SH3BP5: variants seen among roughly 807,000 people sequenced by gnomAD.
SH3BP5 encodes SH3 domain binding protein 5.
In SH3BP5, 22 loss-of-function variants were observed where a neutral mutation model predicts 43.3. That is an observed-to-expected ratio of 0.51 (90% CI 0.36 to 0.73). The LOEUF is 0.73. Among genes scored for constraint, SH3BP5 ranks in the 30% least tolerant of loss-of-function variants. SH3BP5 has a pLI of 0.00. For missense variants in SH3BP5, 529 were observed against 586.9 expected, an observed-to-expected ratio of 0.90 and a Z score of 1.02; for synonymous variants, 255 against 225.8, an observed-to-expected ratio of 1.13 and a Z score of -1.16.
rs569922868 is a variant in SH3BP5 at position 15,313,373 on chromosome 3, T to A, written c.202-9142A>T. 1.1e-3 allele frequency among the ~76,000 whole-genome samples: 161 copies of A among 152,302 alleles called. 1 individual carries two copies. Among genetic ancestry groups the A allele is most frequent in the African/African-American group, 3.6e-3 (151 of 41,570 alleles). On this transcript the variant is annotated intron_variant, in intron 2 of 8. Coordinates refer to ENST00000383791, the MANE Select transcript of SH3BP5 (RefSeq NM_004844.5). ...GCGGCAGCAGCAGAATAACTGGAGTTAGGGAAATCCAGCCCTAGAATGATA... is the reference window on the plus strand; with the variant it reads ...GCGGCAGCAGCAGAATAACTGGAGTAAGGGAAATCCAGCCCTAGAATGATA...
intron 2 of SH3BP5, among the ~76,000 whole-genome samples, chr3:15,320,640 A>ACACACACACACCCCC (rs373879792): frequency 2.7e-5 from 4 of 149,678 alleles, no homozygotes; most frequent in African/African-American, 9.9e-5. Context: ...ACACACACAC[A>ACACACACACACCCCC]CCCCACTACG....
intron 2 of SH3BP5, among the ~76,000 whole-genome samples, chr3:15,318,454 C>A (rs1049766172): frequency 2.0e-5 from 3 of 151,430 alleles, no homozygotes; most frequent in Admixed American, 1.3e-4. Context: ...GAATTCAAAT[C>A]CAGCTCTGAG....
At chr3:15,256,755 T>G in intron 8 of SH3BP5, 98 bp downstream of exon 8, 1 of 1,354,694 alleles carries the variant, frequency 7.4e-7, no homozygotes, top group Non-Finnish European at 1.0e-6. Context: ...TAATGCAGCA[T>G]GGGGGCCCTG....
At chr3:15,309,884 C>T (rs1466403091) in intron 2 of SH3BP5, among the ~76,000 whole-genome samples, 2 of 150,388 alleles carry the variant, frequency 1.3e-5, no homozygotes, top group East Asian at 2.0e-4. Context: ...AAACTGAACA[C>T]AAAGCCAGTC....
intron 3 of SH3BP5, among the ~76,000 whole-genome samples, chr3:15,291,198 A>G (rs567605244): frequency 6.6e-6 from 1 of 152,320 alleles, no homozygotes; most frequent in South Asian, 2.1e-4. Context: ...CATGCTTTTT[A>G]GTATCACTCA....
In SH3BP5 at chr3:15,310,351, A is replaced by T. The variant is rs139347281; in HGVS notation, c.202-6120T>A. Among the ~76,000 whole-genome samples the T allele has an allele frequency of 1.7e-3, 252 of 152,372 alleles. 2 individuals are homozygous for T. Among genetic ancestry groups the T allele is most frequent in the South Asian group, 0.012 (60 of 4,834 alleles). ...GAGCAGAGTCTGTGGAATTTAGTTCAACCTAGCTTTTATAAAGCATTTCTT... is the reference window on the plus strand; with the variant it reads ...GAGCAGAGTCTGTGGAATTTAGTTCTACCTAGCTTTTATAAAGCATTTCTT... On this transcript the variant is annotated intron_variant, in intron 2 of 8. Coordinates refer to ENST00000383791, the MANE Select transcript of SH3BP5 (RefSeq NM_004844.5).
At chr3:15,309,678 T>C (rs1404139680) in intron 2 of SH3BP5, among the ~76,000 whole-genome samples, 1 of 152,224 alleles carries the variant, frequency 6.6e-6, no homozygotes, top group Non-Finnish European at 1.5e-5. Context: ...ATGGGCAGGT[T>C]CAGGGCCTGC....
intron 2 of SH3BP5, among the ~76,000 whole-genome samples, chr3:15,306,940 T>C (rs1238630260): frequency 6.6e-6 from 1 of 152,092 alleles, no homozygotes; most frequent in Non-Finnish European, 1.5e-5. Flanking sequence ...CCCAAAGCGC[T>C]GGGATTACAG....
At chr3:15,292,751 A>G (rs879282319) in intron 3 of SH3BP5, among the ~76,000 whole-genome samples, 2 of 152,178 alleles carry the variant, frequency 1.3e-5, no homozygotes, top group Non-Finnish European at 2.9e-5. Flanking sequence ...GGGAGGCTGA[A>G]GCAGGAGAAT....
intron 3 of SH3BP5, among the ~76,000 whole-genome samples, chr3:15,276,616 G>A (rs1696978412): frequency 6.6e-6 from 1 of 152,104 alleles, no homozygotes; most frequent in Non-Finnish European, 1.5e-5. Context: ...CCTTACGCGG[G>A]TCCAGCTGAC....
intron 7 of SH3BP5, 148 bp downstream of exon 7, chr3:15,258,682 TC>T (rs1326114690): frequency 1.1e-5 from 7 of 631,458 alleles, no homozygotes; most frequent in African/African-American, 1.8e-5. Context: ...AACACAGTGT[TC>T]CATAAAACAT....
chr3:15,270,243 C>G (rs1486743007), intron 3 of SH3BP5, among the ~76,000 whole-genome samples: 1 of 152,234 alleles, frequency 6.6e-6, no homozygotes, highest in East Asian at 1.9e-4. Context: ...CTGCCCAGAT[C>G]TGTGGCTCAA....
intron 3 of SH3BP5, among the ~76,000 whole-genome samples, chr3:15,299,482 GA>G (rs1697669409): frequency 1.8e-5 from 2 of 108,480 alleles, no homozygotes; most frequent in African/African-American, 6.5e-5. Context: ...TCAACAATTA[GA>G]TTTTTTTTTT....
intron 3 of SH3BP5, among the ~76,000 whole-genome samples, chr3:15,297,973 C>CTTTTTT (rs57568903): frequency 4.4e-5 from 6 of 134,846 alleles, no homozygotes; most frequent in South Asian, 2.4e-4. Context: ...TTTTCTTTTT[C>CTTTTTT]TTTTTTTTTT....
At chr3:15,294,085 A>AT (rs1210570496) in intron 3 of SH3BP5, among the ~76,000 whole-genome samples, 1 of 151,504 alleles carries the variant, frequency 6.6e-6, no homozygotes, top group Non-Finnish European at 1.5e-5. Flanking sequence ...CTCAAAAAAA[A>AT]AAAAAAAAAA....
chr3:15,294,178 G>A (rs1344009559), intron 3 of SH3BP5, among the ~76,000 whole-genome samples: 1 of 150,702 alleles, frequency 6.6e-6, no homozygotes, highest in East Asian at 1.9e-4. Flanking sequence ...GTACATAAAA[G>A]ACCTATGACC....
chr3:15,260,132 T>C (rs1696380671), intron 5 of SH3BP5: 26 of 352,028 alleles, frequency 7.4e-5, no homozygotes, highest in South Asian at 6.6e-4. Context: ...TCACAGGTTA[T>C]ACCCAGCAGT....
chr3:15,309,223 T>C (rs1385938199), intron 2 of SH3BP5, among the ~76,000 whole-genome samples: 1 of 152,146 alleles, frequency 6.6e-6, no homozygotes, highest in Non-Finnish European at 1.5e-5. Flanking sequence ...TAAACTAATA[T>C]AGTTAACTGG....
chr3:15,315,031 A>C (rs1698151325), intron 2 of SH3BP5, among the ~76,000 whole-genome samples: 1 of 152,208 alleles, frequency 6.6e-6, no homozygotes, highest in African/African-American at 2.4e-5. Context: ...GCAAATGTGC[A>C]GAGAACCATG....
Sources: gnomAD v4.1 joint callset for allele counts (sites outside exome capture counted in the v4.1 genomes callset) on GRCh38, gnomAD v4.1.1 for gene constraint, MANE v1.5 for transcripts, NCBI Gene and HGNC (gene_info 2026-07-23, HGNC 2026-07-21) for gene names.